FAT3: variants seen among roughly 807,000 people sequenced by gnomAD.
FAT3 encodes protocadherin Fat 3.
FAT3 carries 95 observed loss-of-function variants against 310.2 expected under a neutral mutation model. That is an observed-to-expected ratio of 0.31 (90% CI 0.26 to 0.36). The LOEUF (loss-of-function observed/expected upper bound fraction) is 0.36. Among genes scored for constraint, FAT3 ranks in the 10% least tolerant of loss-of-function variants. The pLI, the probability that FAT3 is intolerant of heterozygous loss-of-function variation, is 1.00. For synonymous variants in FAT3, 2,314 were observed against 2,192.9 expected, an observed-to-expected ratio of 1.06 and a Z score of -1.54; for missense variants, 5,408 against 5,715.6, an observed-to-expected ratio of 0.95 and a Z score of 1.74.
intron 4 of FAT3, among the ~76,000 whole-genome samples, chr11:92,703,852 C>A (rs941582878): frequency 6.6e-6 from 1 of 152,222 alleles, no homozygotes; most frequent in African/African-American, 2.4e-5. Flanking sequence ...TACTAAACTG[C>A]AGATCAAGTA....
intron 3 of FAT3, among the ~76,000 whole-genome samples, chr11:92,680,777 G>T (rs990138714): frequency 6.6e-6 from 1 of 152,096 alleles, no homozygotes; most frequent in African/African-American, 2.4e-5. Context: ...CTTTTTCATT[G>T]TTTGGGTAAA....
At chr11:92,664,215 A>G (rs1942884906) in intron 3 of FAT3, among the ~76,000 whole-genome samples, 1 of 152,198 alleles carries the variant, frequency 6.6e-6, no homozygotes, top group Admixed American at 6.5e-5. Flanking sequence ...TGATTGGCTT[A>G]CTACTCTGTG....
Position 92,857,295 on chromosome 11 carries a change from G to A in FAT3, c.11447G>A (p.Ser3816Asn). ...ATGCAGTGTGTCAGTTATGAAGCCA[G>A]CAGGAGACCGTTCCTCTGCCAGTGT... ...GDMQCVSYEA[S>N]RRPFLCQCPP... Residue 3816 changes from serine (S) to asparagine (N), a missense_variant, in exon 20 of 28, where the codon AGC (serine) becomes AAC (asparagine). By Grantham distance (46) the Ser-to-Asn change is conservative. Around this residue, in one of 5 missense-constraint regions of FAT3, gnomAD observed 4,588 missense variants for 4,809.8 expected, o/e 0.95. Coordinates refer to ENST00000525166, the MANE Select transcript of FAT3 (RefSeq NM_001367949.2). 5 of 1,614,020 alleles carry A rather than the reference G, an allele frequency of 3.1e-6. No individual in the cohort carries two copies. The highest frequency in any genetic ancestry group is 4.2e-6 in the Non-Finnish European group (5 of 1,179,876).
At chr11:92,755,136 A>G (rs1945953276) in intron 4 of FAT3, among the ~76,000 whole-genome samples, 2 of 152,182 alleles carry the variant, frequency 1.3e-5, no homozygotes, top group African/African-American at 4.8e-5. Flanking sequence ...CAAGTTGAAG[A>G]GGTCTGTTTT....
At chr11:92,687,754 C>G (rs1281152548) in intron 3 of FAT3, among the ~76,000 whole-genome samples, 1 of 152,010 alleles carries the variant, frequency 6.6e-6, no homozygotes, top group African/African-American at 2.4e-5. Flanking sequence ...TCTTGGTGGC[C>G]AGATGGGGCT....
At chr11:92,505,577 G>A (rs1166077827) in intron 2 of FAT3, among the ~76,000 whole-genome samples, 1 of 152,068 alleles carries the variant, frequency 6.6e-6, no homozygotes, top group Non-Finnish European at 1.5e-5. Context: ...CCAACCAGTG[G>A]GGAGCTTACA....
intron 4 of FAT3, among the ~76,000 whole-genome samples, chr11:92,719,477 G>A (rs1944792796): frequency 7.2e-6 from 1 of 139,630 alleles, no homozygotes; most frequent in Non-Finnish European, 1.6e-5. Flanking sequence ...TGTAGTATTT[G>A]CATATAAACT....
intron 2 of FAT3, among the ~76,000 whole-genome samples, chr11:92,454,937 G>A (rs987151416): frequency 3.3e-5 from 5 of 151,916 alleles, no homozygotes; most frequent in Admixed American, 1.3e-4. Flanking sequence ...AAGAAAATAA[G>A]GCTTAGGCAG....
intron 9 of FAT3, 30 bp from the exon 10 acceptor site, chr11:92,797,806 C>T (rs779058817): frequency 3.8e-6 from 6 of 1,579,106 alleles, no homozygotes; most frequent in Non-Finnish European, 5.2e-6. Context: ...CCACATGTAA[C>T]TCATTTCACC....
At chr11:92,816,170 A>G (rs1947821162) in intron 13 of FAT3, among the ~76,000 whole-genome samples, 1 of 152,246 alleles carries the variant, frequency 6.6e-6, no homozygotes, top group Non-Finnish European at 1.5e-5. Flanking sequence ...ACAGAGAGAC[A>G]GATAGATGGA....
chr11:92,272,068 G>A (rs970646545), intron 1 of FAT3, among the ~76,000 whole-genome samples: 2 of 151,990 alleles, frequency 1.3e-5, no homozygotes, highest in African/African-American at 4.8e-5. Context: ...CCCTTCTCTG[G>A]GATTGCAGAA....
rs138241033 is a variant in FAT3 at position 92,777,509 on chromosome 11, C to T, written c.4335+3329C>T. On this transcript the variant is annotated intron_variant, in intron 7 of 27. Coordinates refer to ENST00000525166, the MANE Select transcript of FAT3 (RefSeq NM_001367949.2). ...GTTGTAAAGATTCCAATGAACTAAACGCAAGAACAAAGCATCCCAACACTG... is the reference window on the plus strand; with the variant it reads ...GTTGTAAAGATTCCAATGAACTAAATGCAAGAACAAAGCATCCCAACACTG... Among the ~76,000 whole-genome samples the T allele has an allele frequency of 8.2e-3, 1,241 of 152,206 alleles. 27 individuals carry two copies. The highest frequency in any genetic ancestry group is 0.028 in the African/African-American group (1,170 of 41,538).
chr11:92,382,812 CT>C, intron 2 of FAT3, among the ~76,000 whole-genome samples: 1 of 152,100 alleles, frequency 6.6e-6, no homozygotes, highest in Non-Finnish European at 1.5e-5. Context: ...AGGCTTCTGC[CT>C]TTTTAAAATT....
At chr11:92,376,554 G>C (rs910753654) in intron 2 of FAT3, among the ~76,000 whole-genome samples, 2 of 152,128 alleles carry the variant, frequency 1.3e-5, no homozygotes, top group Non-Finnish European at 1.5e-5. Flanking sequence ...CATGTCAACT[G>C]TTTGTTGCAG....
chr11:92,229,928 T>G (rs1310638067), intron 1 of FAT3, among the ~76,000 whole-genome samples: 1 of 152,102 alleles, frequency 6.6e-6, no homozygotes, highest in Non-Finnish European at 1.5e-5. Flanking sequence ...AAAATATTAC[T>G]TCCTTCACCA....
chr11:92,674,849 G>A (rs958846721), intron 3 of FAT3, among the ~76,000 whole-genome samples: 1 of 152,194 alleles, frequency 6.6e-6, no homozygotes, highest in Non-Finnish European at 1.5e-5. Context: ...CTTCTTCAAG[G>A]CATAAAATGA....
chr11:92,795,054 G>A (rs1379167694), intron 9 of FAT3, among the ~76,000 whole-genome samples: 1 of 152,174 alleles, frequency 6.6e-6, no homozygotes, highest in African/African-American at 2.4e-5. Flanking sequence ...TCTCCTGCCT[G>A]TCCTCTAAAG....
rs554933387 is a variant in FAT3 at position 92,480,449 on chromosome 11, A to G, written c.3293-44185A>G. Among the ~76,000 whole-genome samples, 166 of 152,314 alleles carry G rather than the reference A, an allele frequency of 1.1e-3. 1 individual carries two copies. Among genetic ancestry groups the G allele is most frequent in the African/African-American group, 3.8e-3 (156 of 41,574 alleles). ...TGAATTAAGGAAAGCATTGGCATCA[A>G]GGTTCTCCCAGTACCACAACTGCAT... On this transcript the variant is annotated intron_variant, in intron 2 of 27. Coordinates refer to ENST00000525166, the MANE Select transcript of FAT3 (RefSeq NM_001367949.2).
At chr11:92,619,086 A>G (rs1345326284) in intron 3 of FAT3, among the ~76,000 whole-genome samples, 3 of 152,162 alleles carry the variant, frequency 2.0e-5, no homozygotes, top group South Asian at 2.1e-4. Context: ...TTCTGAGTCT[A>G]TCAGGATGGT....
Sources: gnomAD v4.1 joint callset for allele counts (sites outside exome capture counted in the v4.1 genomes callset) on GRCh38, gnomAD v4.1.1 for gene constraint, gnomAD v4.1.1 regional missense constraint, MANE v1.5 for transcripts, NCBI Gene and HGNC (gene_info 2026-07-23, HGNC 2026-07-21) for gene names.